The following TP73 variants were observed in gnomAD, a reference collection of about 807,000 sequenced individuals.
The protein encoded by TP73 is p53-like transcription factor.
TP73 carries 25 observed loss-of-function variants against 62.5 expected under a neutral mutation model. The observed-to-expected ratio is 0.40, with a 90% confidence interval of 0.29 to 0.56. The LOEUF (loss-of-function observed/expected upper bound fraction) is 0.56. TP73 is among the 20% of genes least tolerant of loss of function. The pLI is 0.46. For synonymous variants in TP73, 423 were observed against 377.5 expected (o/e 1.12, Z -1.40); for missense variants, 754 against 913.3 (o/e 0.83, Z 2.25).
rs1638951937 is a variant in TP73 at position 3,699,256 on chromosome 1, C to G, written c.187-8293C>G. Among the ~76,000 whole-genome samples, 2 of 152,160 alleles carry G rather than the reference C, an allele frequency of 1.3e-5. No individual in the cohort carries two copies. The highest frequency in any genetic ancestry group is 2.9e-5 in the Non-Finnish European group (2 of 68,014). On this transcript the variant is annotated intron_variant, in intron 3 of 13. Coordinates refer to ENST00000378295, the MANE Select transcript of TP73 (RefSeq NM_005427.4). The surrounding 1 kb of genome is among the most constrained non-coding windows in gnomAD (Gnocchi z 4.1). ...AGGTCTTGCCCTGGTGGGATGGGCT[C>G]TCTTCCTCCGAAGCCCAGGCTGCTT... is the stretch of plus-strand genomic sequence containing the variant.
At chr1:3,703,705 C>T (rs567290053) in intron 3 of TP73, among the ~76,000 whole-genome samples, 206 of 152,374 alleles carry the variant, frequency 1.4e-3, no homozygotes, top group African/African-American at 4.9e-3. Flanking sequence ...GGCTTTTTGC[C>T]CCACTGGCTG....
rs1641948021 is a variant in TP73 at position 3,729,411 on chromosome 1, G to C, written c.1159G>C (p.Asp387His). The change falls in exon 10 of 14, where the codon GAC becomes CAC. Residue 387 changes from aspartate (D) to histidine (H), a missense_variant. Asp to His is a moderately conservative substitution (Grantham distance 81). Around this residue, in one of 3 missense-constraint regions of TP73, gnomAD observed 458 missense variants for 528.7 expected, o/e 0.87. Transcript: ENST00000378295. The part of the protein sequence containing the change: ...LMELVPQPLV[D>H]SYRQQQQLLQ... ...GGAGTTGGTGCCGCAGCCACTGGTG[G>C]ACTCCTATCGGCAGCAGCAGCAGCT... 9 of 1,613,108 alleles carry C rather than the reference G, an allele frequency of 5.6e-6. No individual in the cohort carries two copies. The highest frequency in any genetic ancestry group is 6.8e-6 in the Non-Finnish European group (8 of 1,179,996).
In TP73 at chr1:3,707,632, C is replaced by T. The variant is rs557136673; in HGVS notation, c.270C>T (p.Ala90=). ...ASASPYTPEH[A]ASVPTHSPYA... ...CCAGCCCCTACACCCCAGAGCACGC[C>T]GCCAGCGTGCCCACCCACTCGCCCT... The change falls in exon 4 of 14, where the codon GCC becomes GCT. Residue 90 remains alanine, a synonymous_variant. Coordinates refer to ENST00000378295, the MANE Select transcript of TP73 (RefSeq NM_005427.4). 33 of 1,612,966 alleles carry T rather than the reference C, an allele frequency of 2.0e-5. No individual in the cohort carries two copies. In the East Asian group the frequency reaches 3.3e-4, roughly 16 times the overall value.
chr1:3,720,605 G>A (rs896236413), intron 4 of TP73, among the ~76,000 whole-genome samples: 3 of 152,214 alleles, frequency 2.0e-5, no homozygotes, highest in African/African-American at 7.2e-5. Context: ...TCAGGGTGCC[G>A]GGGACCCAGG....
At chr1:3,683,281 G>A in intron 3 of TP73, 101 bp downstream of exon 3, 1 of 1,426,438 alleles carries the variant, frequency 7.0e-7, no homozygotes, top group African/African-American at 1.4e-5. Context: ...ATAGCCTCTT[G>A]GTTGTACAGC....
chr1:3,657,666 C>A (rs549044758), intron 1 of TP73, among the ~76,000 whole-genome samples: 4 of 152,186 alleles, frequency 2.6e-5, no homozygotes, highest in Non-Finnish European at 5.9e-5. Flanking sequence ...ATGGCGCAAA[C>A]GGGGAAGAAA....
At chr1:3,691,242 G>T (rs1296192268) in intron 3 of TP73, among the ~76,000 whole-genome samples, 4 of 152,122 alleles carry the variant, frequency 2.6e-5, no homozygotes, top group Non-Finnish European at 5.9e-5. Context: ...CCTCGTGCTC[G>T]GGGGTCTCTG....
intron 1 of TP73, among the ~76,000 whole-genome samples, chr1:3,665,085 C>T (rs916182935): frequency 3.3e-5 from 5 of 152,176 alleles, no homozygotes; most frequent in African/African-American, 1.2e-4. Flanking sequence ...CGATTCAGTG[C>T]AGGTCTCTCC....
Position 3,699,685 on chromosome 1 carries a change from C to T in TP73, c.187-7864C>T, listed in dbSNP as rs1322271369. Reference sequence around the variant, plus strand: ...GCTCCCGGTTCCTGTCCTAGTTGAACAGAATGAATGAGAGTGCGGGATAAA... The same window carrying T: ...GCTCCCGGTTCCTGTCCTAGTTGAATAGAATGAATGAGAGTGCGGGATAAA... On this transcript the variant is annotated intron_variant, in intron 3 of 13. Transcript: ENST00000378295. The surrounding 1 kb of genome is among the most constrained non-coding windows in gnomAD (Gnocchi z 4.1). Among the ~76,000 whole-genome samples the T allele has an allele frequency of 1.3e-5, 2 of 152,142 alleles. No individual in the cohort carries two copies. Among genetic ancestry groups the T allele is most frequent in the Non-Finnish European group, 2.9e-5 (2 of 68,016 alleles).
At position 3,729,425 on chromosome 1, in the gene TP73, G is replaced by A. The variant is rs61736049; in HGVS notation, c.1173G>A (p.Gln391=). ...AGCCACTGGTGGACTCCTATCGGCA[G>A]CAGCAGCAGCTCCTACAGAGGCCGT... ...VPQPLVDSYR[Q]QQQLLQRPSH... Residue 391 remains glutamine (Q), a synonymous_variant, in exon 10 of 14, where the codon CAG becomes CAA. Transcript: ENST00000378295. 3.6e-3 allele frequency: 5,744 copies of A among 1,612,898 alleles called. 178 individuals are homozygous for A. In the African/African-American group the frequency reaches 0.068, roughly 19 times the overall value.
intron 5 of TP73, among the ~76,000 whole-genome samples, chr1:3,722,557 G>A (rs1233440801): frequency 6.6e-6 from 1 of 152,186 alleles, no homozygotes; most frequent in African/African-American, 2.4e-5. Flanking sequence ...AGAGCCACTG[G>A]GCAGGCACCC....
At chr1:3,675,409 G>T (rs1645340306) in intron 1 of TP73, among the ~76,000 whole-genome samples, 1 of 152,192 alleles carries the variant, frequency 6.6e-6, no homozygotes, top group South Asian at 2.1e-4. Flanking sequence ...AAAATCATTG[G>T]TGGTTTGGGA....
At position 3,722,088 on chromosome 1, in the gene TP73, C is replaced by T; in HGVS notation, c.497C>T (p.Ser166Phe). 1 of 1,612,960 alleles carries T rather than the reference C, an allele frequency of 6.2e-7. No homozygotes were observed. The highest frequency in any genetic ancestry group is 8.5e-7 in the Non-Finnish European group (1 of 1,179,804). Residue 166 changes from serine (S) to phenylalanine (F), a missense_variant, in exon 5 of 14, where the codon TCC (serine) becomes TTC (phenylalanine). Around this residue, in one of 3 missense-constraint regions of TP73, gnomAD observed 235 missense variants for 251.4 expected, o/e 0.93. Transcript: ENST00000378295. ...ACATGCCCCATCCAGATCAAGGTGT[C>T]CACCCCGCCACCCCCAGGCACCGCC... Reference protein sequence around the residue: ...AKTCPIQIKVSTPPPPGTAIR... With the variant: ...AKTCPIQIKVFTPPPPGTAIR...
chr1:3,682,398 G>T lies in TP73; in HGVS notation c.33G>T (p.Gly11=). The change falls in exon 2 of 14, where the codon GGG becomes GGT. Residue 11 remains glycine, a synonymous_variant. Transcript: ENST00000378295. ...AGTCCACCGCCACCTCCCCTGATGG[G>T]GGCACCACGTTTGAGCACCTCTGGA... MAQSTATSPD[G]GTTFEHLWSS... The T allele has an allele frequency of 6.4e-7, 1 of 1,565,416 alleles. No homozygotes were observed.
At chr1:3,700,776 G>A (rs1434162082) in intron 3 of TP73, among the ~76,000 whole-genome samples, 4 of 151,128 alleles carry the variant, frequency 2.6e-5, no homozygotes, top group African/African-American at 4.9e-5. Context: ...GTGAGACTTC[G>A]TCTCAAAAAA....
At chr1:3,727,038 G>A in intron 6 of TP73, 77 bp from the exon 7 acceptor site, 1 of 1,279,526 alleles carries the variant, frequency 7.8e-7, no homozygotes, top group Non-Finnish European at 1.1e-6. Flanking sequence ...GACCAGACAT[G>A]GAGCTGGGGG....
At chr1:3,671,213 G>A (rs1026625501) in intron 1 of TP73, among the ~76,000 whole-genome samples, 2 of 152,220 alleles carry the variant, frequency 1.3e-5, no homozygotes, top group African/African-American at 4.8e-5. Context: ...GGGTGGGCCT[G>A]TCCCTGGAGA....
At chr1:3,677,689 C>CTTTTT (rs1215137164) in intron 1 of TP73, among the ~76,000 whole-genome samples, 4 of 137,224 alleles carry the variant, frequency 2.9e-5, no homozygotes, top group African/African-American at 2.8e-5. Context: ...TCCTTCCTTC[C>CTTTTT]CTTTTTTTTT....
rs747859737 is a variant in TP73, at chr1:3,683,159, G to A, written c.165G>A (p.Glu55=). The A allele has an allele frequency of 9.3e-6, 15 of 1,611,514 alleles. No individual in the cohort carries two copies. In the South Asian group the frequency reaches 1.5e-4, roughly 17 times the overall value. Residue 55 remains glutamate (E), a synonymous_variant, in exon 3 of 14, where the codon GAG becomes GAA. Transcript: ENST00000378295. Reference sequence around the variant, plus strand: ...CCAGCATGGACGTCTTCCACCTGGAGGGCATGACTACATCTGTCATGGTGA... The same window carrying A: ...CCAGCATGGACGTCTTCCACCTGGAAGGCATGACTACATCTGTCATGGTGA... ...TDSSMDVFHL[E]GMTTSVMAQF...
Sources: allele counts gnomAD v4.1 joint callset (sites outside exome capture counted in the v4.1 genomes callset), GRCh38; gene constraint gnomAD v4.1.1; regional missense constraint gnomAD v4.1.1; non-coding constraint Gnocchi (gnomAD v3.1); transcripts MANE v1.5; gene names NCBI Gene and HGNC (gene_info 2026-07-23, HGNC 2026-07-21).